Variants in ADGRV1 observed in about 807,000 individuals in gnomAD.
The protein encoded by ADGRV1 is adhesion G protein-coupled receptor V1, also known as G-protein coupled receptor 98.
ADGRV1 carries 359 observed loss-of-function variants against 596.2 expected under a neutral mutation model. The observed-to-expected ratio is 0.60, with a 90% CI of 0.55 to 0.66. The LOEUF is 0.66. Among genes scored for constraint, ADGRV1 ranks in the 30% least tolerant of loss-of-function variants. ADGRV1 has a pLI of 0.00. For synonymous variants in ADGRV1, 2,681 were observed against 2,679.2 expected, an observed-to-expected ratio of 1.00 and a Z score of -0.02; for missense variants, 7,274 against 7,575.6, an observed-to-expected ratio of 0.96 and a Z score of 1.48.
At chr5:91,136,809 G>A (rs982892477) in intron 87 of ADGRV1, among the ~76,000 whole-genome samples, 1 of 152,156 alleles carries the variant, frequency 6.6e-6, no homozygotes, top group Admixed American at 6.5e-5. Flanking sequence ...AAACCACCCT[G>A]TTCTTTACAA....
In ADGRV1 at chr5:90,638,021, T is replaced by C. The variant is rs113035358; in HGVS notation, c.2240+73T>C. ...TCTTCAATAACTTTGATTTTTTTTT[T>C]ACTCTTTTTTTTCTATATAAAGTAA... On this transcript the variant is annotated intron_variant, in intron 11 of 89. Transcript: ENST00000405460. The C allele has an allele frequency of 4.2e-5, 44 of 1,056,800 alleles. 1 individual carries two copies. Among genetic ancestry groups the C allele is most frequent in the Middle Eastern group, 6.3e-4 (2 of 3,158 alleles). The allele number at this position is 1,056,800 out of a possible 1,614,324, so 65.5% of individuals were successfully genotyped here.
chr5:90,756,421 A>G, intron 55 of ADGRV1, 33 bp from the exon 56 acceptor site: 1 of 1,431,276 alleles, frequency 7.0e-7, no homozygotes. Flanking sequence ...CTTAAAAAAA[A>G]ATGAAACACC....
At chr5:90,870,322 G>C (rs1453352570) in intron 83 of ADGRV1, among the ~76,000 whole-genome samples, 1 of 152,076 alleles carries the variant, frequency 6.6e-6, no homozygotes, top group Non-Finnish European at 1.5e-5. Context: ...TCCCTAAAGA[G>C]ACTAAGAGAT....
chr5:90,595,117 A>AC (rs1410861038), intron 1 of ADGRV1, among the ~76,000 whole-genome samples: 4 of 112,204 alleles, frequency 3.6e-5, no homozygotes, highest in South Asian at 2.9e-4. Context: ...CGGGGGGCTG[A>AC]CCCCCCCACC....
In ADGRV1 at chr5:90,628,742, T is replaced by G. The variant is rs771484121; in HGVS notation, c.1419T>G (p.Asp473Glu). ...MLATIPLTVV[D>E]DDLPEEAEAY... ...CAACAATTCCTCTTACTGTGGTTGA[T>G]GATGATCTTCCAGAAGAGGCAGAAG... Residue 473 changes from aspartate (D) to glutamate (E), a missense_variant, in exon 8 of 90, where the codon GAT becomes GAG. Asp to Glu is a conservative substitution (Grantham distance 45, BLOSUM62 2). Transcript: ENST00000405460. 7.9e-5 allele frequency: 127 copies of G among 1,614,006 alleles called. No homozygotes were observed. In the South Asian group the frequency reaches 8.0e-4, roughly 10 times the overall value.
chr5:90,597,177 A>G (rs1469763348), intron 1 of ADGRV1, among the ~76,000 whole-genome samples: 2 of 152,230 alleles, frequency 1.3e-5, no homozygotes, highest in Non-Finnish European at 2.9e-5. Flanking sequence ...TTTAACAAGA[A>G]TTATTGCCAC....
At chr5:90,721,770 G>A (rs759568703) in intron 45 of ADGRV1, among the ~76,000 whole-genome samples, 8 of 152,066 alleles carry the variant, frequency 5.3e-5, no homozygotes, top group Non-Finnish European at 1.2e-4. Context: ...ATGCTTTCAA[G>A]GGGTATTGAT....
chr5:90,805,524 G>A (rs557054850), intron 72 of ADGRV1, 66 bp downstream of exon 72: 144 of 1,320,374 alleles, frequency 1.1e-4, no homozygotes, highest in Non-Finnish European at 1.4e-4. Context: ...GCCACTAATT[G>A]TCTTGGGTTA....
At chr5:90,832,652 C>CA (rs1385797260) in intron 77 of ADGRV1, among the ~76,000 whole-genome samples, 2 of 151,902 alleles carry the variant, frequency 1.3e-5, no homozygotes, top group African/African-American at 2.4e-5. Flanking sequence ...GGGTATTACT[C>CA]AAAAAAATCT....
Position 90,580,577 on chromosome 5 carries a change from T to C in ADGRV1, c.22+21660T>C, listed in dbSNP as rs192353880. On this transcript the variant is annotated intron_variant, in intron 1 of 89. Coordinates refer to ENST00000405460, the MANE Select transcript of ADGRV1 (RefSeq NM_032119.4). ...TGGATATGAGATTCTGGGTTGAAAA[T>C]TCATTTCTTTAAGAATGTTGAATAT... 3.3e-5 allele frequency among the ~76,000 whole-genome samples: 5 copies of C among 152,316 alleles called. No homozygotes were observed. The East Asian group carries it at 9.7e-4, about 29-fold the overall frequency.
intron 86 of ADGRV1, among the ~76,000 whole-genome samples, chr5:91,100,202 G>A (rs1047110063): frequency 3.3e-5 from 5 of 152,124 alleles, no homozygotes; most frequent in South Asian, 2.1e-4. Context: ...CATGCGGATC[G>A]CTTGAGCCCG....
chr5:90,588,782 G>A (rs1057167386), intron 1 of ADGRV1, among the ~76,000 whole-genome samples: 18 of 152,224 alleles, frequency 1.2e-4, no homozygotes, highest in African/African-American at 4.3e-4. Context: ...ATAAGAAGTA[G>A]CTGAAGTTAG....
At chr5:90,673,924 A>T in intron 22 of ADGRV1, 130 bp from the exon 23 acceptor site, 1 of 640,122 alleles carries the variant, frequency 1.6e-6, no homozygotes, top group Non-Finnish European at 2.7e-6. Context: ...TTAATGTTTT[A>T]ATTTATGCAG....
At chr5:90,912,035 A>C (rs59130638) in intron 83 of ADGRV1, among the ~76,000 whole-genome samples, 100 of 152,214 alleles carry the variant, frequency 6.6e-4, no homozygotes, top group African/African-American at 2.4e-3. Flanking sequence ...AATTGACTCC[A>C]TGAGTCAATC....
chr5:90,654,414 A>G (rs1323983059), intron 20 of ADGRV1: 4 of 188,924 alleles, frequency 2.1e-5, no homozygotes, highest in Non-Finnish European at 3.3e-5. Context: ...AAAAGAAAGC[A>G]GGAGAGAAGA....
At chr5:90,764,747 G>A (rs866614614) in intron 59 of ADGRV1, among the ~76,000 whole-genome samples, 7 of 152,172 alleles carry the variant, frequency 4.6e-5, no homozygotes, top group African/African-American at 1.2e-4. Context: ...ATTTGCAGGA[G>A]ATCTGGTGGT....
chr5:90,781,794 GC>G (rs150678282), intron 65 of ADGRV1, among the ~76,000 whole-genome samples: 16 of 152,224 alleles, frequency 1.1e-4, no homozygotes, highest in African/African-American at 3.6e-4. Context: ...TTAGGAACAA[GC>G]CTGTCTAGAA....
At chr5:91,127,579 A>G (rs1252929406) in intron 87 of ADGRV1, among the ~76,000 whole-genome samples, 1 of 150,984 alleles carries the variant, frequency 6.6e-6, no homozygotes, top group Admixed American at 6.6e-5. Flanking sequence ...GATTTGGGTT[A>G]TTACAAAAGG....
intron 48 of ADGRV1, 79 bp downstream of exon 48, chr5:90,725,735 G>T: frequency 1.2e-6 from 1 of 828,134 alleles, no homozygotes; most frequent in Non-Finnish European, 2.0e-6. Flanking sequence ...CAAAGGTATG[G>T]TCTGCTGGTT....
Sources: allele counts gnomAD v4.1 joint callset (sites outside exome capture counted in the v4.1 genomes callset), GRCh38; gene constraint gnomAD v4.1.1; transcripts MANE v1.5; gene names NCBI Gene and HGNC (gene_info 2026-07-23, HGNC 2026-07-21).